The following ARHGAP25 variants were observed in gnomAD, a reference collection of about 807,000 sequenced individuals.
ARHGAP25 encodes the protein Rho GTPase activating protein 25.
In ARHGAP25, 34 loss-of-function variants were observed where a neutral mutation model predicts 71.0. That is an observed-to-expected ratio of 0.48 (90% CI 0.36 to 0.64). The LOEUF (loss-of-function observed/expected upper bound fraction) is 0.64, where lower values mean the gene tolerates loss of function less well. ARHGAP25 is among the 30% of genes least tolerant of loss of function. The pLI, the probability that ARHGAP25 is intolerant of heterozygous loss-of-function variation, is 0.00. For synonymous variants in ARHGAP25, 282 were observed against 296.5 expected (o/e 0.95, Z 0.50); for missense variants, 706 against 805.1 (o/e 0.88, Z 1.49).
At chr2:68,729,042 G>A (rs1674945943) in intron 2 of ARHGAP25, among the ~76,000 whole-genome samples, 1 of 152,234 alleles carries the variant, frequency 6.6e-6, no homozygotes, top group African/African-American at 2.4e-5. Flanking sequence ...GAAATGTCCA[G>A]AACAGACACC....
chr2:68,712,188 C>T (rs1023548952), intron 2 of ARHGAP25, among the ~76,000 whole-genome samples: 4 of 152,186 alleles, frequency 2.6e-5, no homozygotes, highest in Non-Finnish European at 5.9e-5. Flanking sequence ...TGTTTCCTGA[C>T]TTTTTAATAA....
At position 68,775,216 on chromosome 2, in the gene ARHGAP25, T is replaced by C. The variant is rs1173764332; in HGVS notation, c.62-5T>C. ...GTCAGTCGGCCTGTCTGTTCCTCTCTATAGCTCGGTCAAGGAGTGTGATGA... is the reference window on the plus strand; with the variant it reads ...GTCAGTCGGCCTGTCTGTTCCTCTCCATAGCTCGGTCAAGGAGTGTGATGA... On this transcript the variant is annotated splice_region_variant and splice_polypyrimidine_tract_variant and intron_variant, in intron 1 of 10. Transcript: ENST00000409202. 2 of 1,614,238 alleles carry C rather than the reference T, an allele frequency of 1.2e-6. No homozygotes were observed. The highest frequency in any genetic ancestry group is 3.3e-5 in the Admixed American group (2 of 60,032).
chr2:68,810,302 T>A (rs1182168035), intron 5 of ARHGAP25, among the ~76,000 whole-genome samples: 2 of 152,192 alleles, frequency 1.3e-5, no homozygotes, highest in African/African-American at 4.8e-5. Flanking sequence ...TTGTTTAAGT[T>A]CCATGGTGTT....
intron 1 of ARHGAP25, among the ~76,000 whole-genome samples, chr2:68,771,612 G>A (rs1421302794): frequency 2.0e-5 from 3 of 152,166 alleles, no homozygotes; most frequent in Non-Finnish European, 4.4e-5. Flanking sequence ...GCAACACTGT[G>A]GGCTATGGAG....
intron 2 of ARHGAP25, among the ~76,000 whole-genome samples, chr2:68,715,303 C>T (rs1337605605): frequency 6.6e-6 from 1 of 152,174 alleles, no homozygotes; most frequent in African/African-American, 2.4e-5. Flanking sequence ...GCCCAGCAAC[C>T]CATGTGCTAT....
At chr2:68,734,026 C>T (rs1206649635), upstream of ARHGAP25, among the ~76,000 whole-genome samples, 1 of 152,218 alleles carries the variant, frequency 6.6e-6, no homozygotes, top group Non-Finnish European at 1.5e-5. Context: ...GGCCCAAATG[C>T]TTAAGCACTA....
At chr2:68,752,055 A>G (rs1676210924) in intron 1 of ARHGAP25, among the ~76,000 whole-genome samples, 1 of 152,162 alleles carries the variant, frequency 6.6e-6, no homozygotes, top group South Asian at 2.1e-4. Context: ...TGAATTTTAG[A>G]CCCCACGTAA....
chr2:68,716,735 C>T (rs1674615856), intron 2 of ARHGAP25, among the ~76,000 whole-genome samples: 1 of 152,126 alleles, frequency 6.6e-6, no homozygotes, highest in South Asian at 2.1e-4. Context: ...GAGAAACCAC[C>T]GTGGGATCTT....
upstream of ARHGAP25, among the ~76,000 whole-genome samples, chr2:68,731,668 C>A (rs992342695): frequency 3.9e-5 from 6 of 152,032 alleles, no homozygotes; most frequent in African/African-American, 1.2e-4. Flanking sequence ...TCTCTCCGTG[C>A]CTCATTCATA....
At chr2:68,721,917 C>T (rs1422221458) in intron 2 of ARHGAP25, among the ~76,000 whole-genome samples, 1 of 152,218 alleles carries the variant, frequency 6.6e-6, no homozygotes, top group East Asian at 1.9e-4. Flanking sequence ...TTCCTCTCAC[C>T]CAGTGTGTCC....
At chr2:68,750,880 AG>A (rs1283752928) in intron 1 of ARHGAP25, among the ~76,000 whole-genome samples, 1 of 152,200 alleles carries the variant, frequency 6.6e-6, no homozygotes, top group South Asian at 2.1e-4. Context: ...CAAAGGTGAA[AG>A]CTTTTTGCTT....
chr2:68,756,740 G>T (rs1455164583), intron 1 of ARHGAP25, among the ~76,000 whole-genome samples: 1 of 152,110 alleles, frequency 6.6e-6, no homozygotes, highest in African/African-American at 2.4e-5. Flanking sequence ...CAGATATCCA[G>T]TTGTTAGCAA....
At chr2:68,804,319 T>C (rs1406318666) in intron 4 of ARHGAP25, among the ~76,000 whole-genome samples, 1 of 152,216 alleles carries the variant, frequency 6.6e-6, no homozygotes. Flanking sequence ...AGTGGACCTC[T>C]GGAGCCTGAG....
chr2:68,761,084 A>G (rs1676782859), intron 1 of ARHGAP25, among the ~76,000 whole-genome samples: 1 of 152,094 alleles, frequency 6.6e-6, no homozygotes, highest in South Asian at 2.1e-4. Flanking sequence ...GACCTCACAT[A>G]TATGTGTATG....
At chr2:68,719,775 C>G (rs796574983) in intron 2 of ARHGAP25, among the ~76,000 whole-genome samples, 6 of 152,184 alleles carry the variant, frequency 3.9e-5, no homozygotes, top group African/African-American at 1.4e-4. Flanking sequence ...ATATTATCAC[C>G]CTATCCATGT....
intron 1 of ARHGAP25, among the ~76,000 whole-genome samples, chr2:68,760,319 T>C (rs924146851): frequency 5.3e-5 from 8 of 152,018 alleles, no homozygotes; most frequent in African/African-American, 1.9e-4. Context: ...TGCAATGTAA[T>C]ACTTGAAGCC....
At chr2:68,800,659 A>G (rs1679902158) in intron 4 of ARHGAP25, among the ~76,000 whole-genome samples, 1 of 152,178 alleles carries the variant, frequency 6.6e-6, no homozygotes, top group South Asian at 2.1e-4. Context: ...AAAGCACTGA[A>G]TATAGAATCA....
At chr2:68,752,888 A>G (rs1456086839) in intron 1 of ARHGAP25, among the ~76,000 whole-genome samples, 3 of 152,050 alleles carry the variant, frequency 2.0e-5, no homozygotes, top group Non-Finnish European at 4.4e-5. Flanking sequence ...GAGAGAGAGA[A>G]AGAGAGAGAG....
intron 2 of ARHGAP25, among the ~76,000 whole-genome samples, chr2:68,778,345 C>A (rs1678069241): frequency 6.6e-6 from 1 of 151,728 alleles, no homozygotes; most frequent in South Asian, 2.1e-4. Context: ...GATGTATATA[C>A]TAATCCCATT....
Sources: allele counts gnomAD v4.1 joint callset (sites outside exome capture counted in the v4.1 genomes callset), GRCh38; gene constraint gnomAD v4.1.1; transcripts MANE v1.5; gene names NCBI Gene and HGNC (gene_info 2026-07-23, HGNC 2026-07-21).